Variants in AVEN observed in about 807,000 individuals in gnomAD.
AVEN encodes the protein apoptosis and caspase activation inhibitor, also known as cell death regulator Aven.
AVEN carries 41 observed loss-of-function variants against 38.1 expected under a neutral mutation model. The observed-to-expected ratio is 1.08, with a 90% confidence interval of 0.84 to 1.40. The LOEUF is 1.40. AVEN is among the 40% of genes most tolerant of loss of function. The probability of loss-of-function intolerance (pLI) is 0.00; values close to 1 mark genes in which losing one functional copy is unlikely to be tolerated. For missense variants in AVEN, 605 were observed against 438.8 expected (o/e 1.38, Z -3.38); for synonymous variants, 206 against 171.8 (o/e 1.20, Z -1.56).
intron 2 of AVEN, among the ~76,000 whole-genome samples, chr15:33,959,559 C>G (rs914652636): frequency 6.6e-6 from 1 of 152,114 alleles, no homozygotes; most frequent in East Asian, 1.9e-4. Flanking sequence ...CAGAGGGAGG[C>G]CCCCTCCTCT....
chr15:33,958,905 A>G (rs889189204), intron 2 of AVEN, among the ~76,000 whole-genome samples: 1 of 152,068 alleles, frequency 6.6e-6, no homozygotes, highest in Non-Finnish European at 1.5e-5. Flanking sequence ...CTCTATCTAG[A>G]GCATAAAATC....
chr15:34,061,265 A>C (rs1166418966), intron 5 of AVEN, among the ~76,000 whole-genome samples: 2 of 152,140 alleles, frequency 1.3e-5, no homozygotes, highest in Non-Finnish European at 2.9e-5. Flanking sequence ...TAGATTTTTT[A>C]ATCTACAAAG....
intron 2 of AVEN, among the ~76,000 whole-genome samples, chr15:33,940,992 G>A (rs986880634): frequency 6.6e-6 from 1 of 152,154 alleles, no homozygotes; most frequent in Non-Finnish European, 1.5e-5. Flanking sequence ...TCTACAAGAT[G>A]CTCGAAGAAA....
downstream of AVEN, chr15:33,857,948 C>A (rs769154833): frequency 2.4e-5 from 39 of 1,610,188 alleles, no homozygotes; most frequent in Admixed American, 1.0e-4. Flanking sequence ...CCAGCCCACC[C>A]ACTGCGGGGC....
intron 2 of AVEN, among the ~76,000 whole-genome samples, chr15:33,986,696 A>T (rs1441746958): frequency 2.6e-5 from 4 of 151,928 alleles, no homozygotes; most frequent in Non-Finnish European, 5.9e-5. Flanking sequence ...TCACTCTGTC[A>T]CCTAGGCTTG....
chr15:34,051,187 G>C (rs1195259586), intron 5 of AVEN, among the ~76,000 whole-genome samples: 1 of 152,168 alleles, frequency 6.6e-6, no homozygotes, highest in Non-Finnish European at 1.5e-5. Context: ...TCAAGATTAA[G>C]AAATTCACTC....
At chr15:34,065,963 G>C (rs1161570341) in intron 4 of AVEN, 1 of 152,254 alleles carries the variant, frequency 6.6e-6, no homozygotes, top group Non-Finnish European at 1.5e-5. Flanking sequence ...CTGGGAATTA[G>C]ATATGTACCT....
chr15:34,006,632 G>A (rs1446744139), intron 1 of AVEN, among the ~76,000 whole-genome samples: 1 of 152,150 alleles, frequency 6.6e-6, no homozygotes, highest in Non-Finnish European at 1.5e-5. Context: ...CGAATTAATG[G>A]TCCTGCCAAG....
chr15:33,941,046 C>A (rs961630580), intron 2 of AVEN, among the ~76,000 whole-genome samples: 1 of 152,214 alleles, frequency 6.6e-6, no homozygotes, highest in Non-Finnish European at 1.5e-5. Context: ...GGTTATCCCT[C>A]ATTCCTAATC....
chr15:34,073,979 T>C (rs1900683324), intron 1 of AVEN, among the ~76,000 whole-genome samples: 1 of 22,602 alleles, frequency 4.4e-5, no homozygotes, highest in Non-Finnish European at 1.3e-4. Context: ...CTTTCTTTTT[T>C]CTTCTTCTTC....
chr15:34,007,828 T>C (rs1307726477), intron 1 of AVEN, among the ~76,000 whole-genome samples: 1 of 152,182 alleles, frequency 6.6e-6, no homozygotes, highest in Non-Finnish European at 1.5e-5. Flanking sequence ...GGAGAATCTA[T>C]TCCATGACCT....
At chr15:33,941,995 G>A (rs1894335347) in intron 2 of AVEN, among the ~76,000 whole-genome samples, 1 of 152,170 alleles carries the variant, frequency 6.6e-6, no homozygotes, top group South Asian at 2.1e-4. Flanking sequence ...CTCAGTCCTA[G>A]GAGGTTAGAT....
At chr15:34,050,019 C>G (rs1044768509) in intron 5 of AVEN, among the ~76,000 whole-genome samples, 2 of 152,038 alleles carry the variant, frequency 1.3e-5, no homozygotes, top group Middle Eastern at 3.4e-3. Flanking sequence ...TCCCGAGTAG[C>G]TGGGACTACA....
At chr15:33,858,034 G>C, downstream of AVEN, 1 of 1,276,638 alleles carries the variant, frequency 7.8e-7, no homozygotes. Flanking sequence ...TAGTTACAGA[G>C]CACAGCAGAG....
intron 5 of AVEN, among the ~76,000 whole-genome samples, chr15:34,057,825 T>A (rs1327700643): frequency 1.3e-5 from 2 of 152,246 alleles, no homozygotes; most frequent in East Asian, 1.9e-4. Context: ...ATACAGCAAG[T>A]AATGGAACTA....
At chr15:34,051,860 CA>C (rs923317288) in intron 5 of AVEN, among the ~76,000 whole-genome samples, 1 of 150,160 alleles carries the variant, frequency 6.7e-6, no homozygotes, top group African/African-American at 2.4e-5. Flanking sequence ...GCCTACCAAC[CA>C]AAAAAAGAAA....
At chr15:34,002,806 C>T (rs999646410) in intron 2 of AVEN, among the ~76,000 whole-genome samples, 7 of 152,150 alleles carry the variant, frequency 4.6e-5, no homozygotes, top group South Asian at 2.1e-4. Context: ...TTTTATCTAT[C>T]GCAAAGACTT....
chr15:33,948,897 T>G (rs1894611626), intron 2 of AVEN, among the ~76,000 whole-genome samples: 1 of 152,046 alleles, frequency 6.6e-6, no homozygotes, highest in Non-Finnish European at 1.5e-5. Context: ...GGTCTCAAAC[T>G]CCTGACCTCA....
chr15:34,020,897 T>C (rs1898172635), intron 1 of AVEN, among the ~76,000 whole-genome samples: 1 of 152,208 alleles, frequency 6.6e-6, no homozygotes, highest in Admixed American at 6.5e-5. Context: ...CCTACCAAAA[T>C]TCTCTTCCTT....
Sources: gnomAD v4.1 joint callset for allele counts (sites outside exome capture counted in the v4.1 genomes callset) on GRCh38, gnomAD v4.1.1 for gene constraint, MANE v1.5 for transcripts, NCBI Gene and HGNC (gene_info 2026-07-23, HGNC 2026-07-21) for gene names.